DGKB: variants seen among roughly 807,000 people sequenced by gnomAD.
The protein encoded by DGKB is 90 kDa diacylglycerol kinase.
A neutral mutation model predicts 114.3 loss-of-function variants in DGKB; 67 were observed. The ratio of observed to expected loss-of-function variants is 0.59; its 90% CI spans 0.48 to 0.72. The LOEUF (loss-of-function observed/expected upper bound fraction) is 0.72, where lower values mean the gene tolerates loss of function less well. Ranked by LOEUF, DGKB falls within the 30% of genes least tolerant of loss-of-function variation. DGKB has a pLI of 0.00. For missense variants in DGKB, 907 were observed against 975.2 expected (o/e 0.93, Z 0.93); for synonymous variants, 398 against 323.1 (o/e 1.23, Z -2.49).
chr7:14,472,413 C>A (rs1781556568), intron 21 of DGKB, among the ~76,000 whole-genome samples: 1 of 152,176 alleles, frequency 6.6e-6, no homozygotes, highest in African/African-American at 2.4e-5. Flanking sequence ...TTGCCTTCCA[C>A]CATGATTGTG....
At chr7:14,793,826 G>C (rs1841030029) in intron 2 of DGKB, among the ~76,000 whole-genome samples, 1 of 151,960 alleles carries the variant, frequency 6.6e-6, no homozygotes. Context: ...TATGAGATTA[G>C]CATCTAAATC....
intron 2 of DGKB, among the ~76,000 whole-genome samples, chr7:14,806,956 C>T (rs1586642021): frequency 6.6e-6 from 1 of 151,978 alleles, no homozygotes; most frequent in East Asian, 1.9e-4. Flanking sequence ...ACATGATAGC[C>T]TATTCTGCCA....
At chr7:14,628,092 A>G (rs1050738418) in intron 14 of DGKB, among the ~76,000 whole-genome samples, 1 of 152,100 alleles carries the variant, frequency 6.6e-6, no homozygotes, top group Admixed American at 6.6e-5. Context: ...TTATGCTCAC[A>G]CTCATTGTCT....
chr7:14,251,295 T>A (rs1230717610), intron 23 of DGKB, among the ~76,000 whole-genome samples: 1 of 152,068 alleles, frequency 6.6e-6, no homozygotes, highest in East Asian at 1.9e-4. Flanking sequence ...TACTACAGAT[T>A]TTCTTTTTGG....
intron 12 of DGKB, among the ~76,000 whole-genome samples, chr7:14,680,678 G>A (rs191264754): frequency 1.4e-4 from 22 of 152,004 alleles, no homozygotes; most frequent in Admixed American, 9.2e-4. Flanking sequence ...GAGACCACTA[G>A]CAATGGTAAC....
At chr7:14,696,501 C>CAAAAAAAAAAAA (rs35486620) in intron 8 of DGKB, among the ~76,000 whole-genome samples, 3 of 45,074 alleles carry the variant, frequency 6.7e-5, no homozygotes, top group Non-Finnish European at 8.6e-5. Context: ...GACTCCGTCT[C>CAAAAAAAAAAAA]AAAAAAAAAA....
At chr7:14,616,031 T>G (rs890686825) in intron 15 of DGKB, among the ~76,000 whole-genome samples, 4 of 150,764 alleles carry the variant, frequency 2.7e-5, no homozygotes, top group African/African-American at 9.7e-5. Context: ...AGTAATATTT[T>G]TATTTTTTTG....
rs111350672 is a variant in DGKB, at chr7:14,151,865, T to C, written c.2305-2627A>G. 5.3e-3 allele frequency among the ~76,000 whole-genome samples: 805 copies of C among 152,238 alleles called. 6 individuals are homozygous for C. The highest frequency in any genetic ancestry group is 0.018 in the African/African-American group (729 of 41,558). On this transcript the variant is annotated intron_variant, in intron 25 of 25. Coordinates refer to ENST00000402815, the MANE Select transcript of DGKB (RefSeq NM_001350709.2). ...CTGTCTCTTCACATGCCTTATTTCA[T>C]TGGATATTTACATGTCTTGGTATAT...
intron 17 of DGKB, among the ~76,000 whole-genome samples, chr7:14,604,864 T>C (rs1425627759): frequency 1.3e-5 from 2 of 152,122 alleles, no homozygotes; most frequent in Non-Finnish European, 2.9e-5. Flanking sequence ...AAACAAAGAC[T>C]AGCTCTCTAA....
At chr7:14,380,437 C>T (rs1018690866) in intron 21 of DGKB, among the ~76,000 whole-genome samples, 1 of 151,960 alleles carries the variant, frequency 6.6e-6, no homozygotes, top group African/African-American at 2.4e-5. Context: ...TTTAAAAATA[C>T]AGTTAAATAA....
At chr7:14,563,212 C>G (rs1344946918) in intron 20 of DGKB, among the ~76,000 whole-genome samples, 1 of 152,164 alleles carries the variant, frequency 6.6e-6, no homozygotes, top group Non-Finnish European at 1.5e-5. Flanking sequence ...TGTGAGTCCA[C>G]TAAACCTATT....
intron 20 of DGKB, among the ~76,000 whole-genome samples, chr7:14,565,303 G>A (rs908076003): frequency 6.6e-5 from 10 of 152,176 alleles, no homozygotes; most frequent in Middle Eastern, 3.4e-3. Flanking sequence ...AGATATATGA[G>A]GGAGACCAGC....
chr7:14,440,583 T>C (rs192082660), intron 21 of DGKB, among the ~76,000 whole-genome samples: 1 of 152,314 alleles, frequency 6.6e-6, no homozygotes, highest in Admixed American at 6.5e-5. Context: ...AATTCCTTCA[T>C]TGTCACTGCT....
At chr7:14,646,996 G>C (rs1286681081) in intron 13 of DGKB, among the ~76,000 whole-genome samples, 1 of 151,434 alleles carries the variant, frequency 6.6e-6, no homozygotes, top group Non-Finnish European at 1.5e-5. Flanking sequence ...AAACAAAATA[G>C]AGACTAAAAA....
intron 20 of DGKB, among the ~76,000 whole-genome samples, chr7:14,525,902 A>T (rs537876412): frequency 6.6e-6 from 1 of 152,312 alleles, no homozygotes; most frequent in African/African-American, 2.4e-5. Context: ...GAAATATAGC[A>T]TTGGAAATGG....
intron 25 of DGKB, 119 bp downstream of exon 25, chr7:14,176,720 A>AAAAGACT: frequency 1.3e-6 from 2 of 1,523,112 alleles, no homozygotes; most frequent in African/African-American, 2.8e-5. Context: ...CAACAACAAA[A>AAAAGACT]AGACTATTTG....
chr7:14,796,106 G>A (rs1034225773), intron 2 of DGKB, among the ~76,000 whole-genome samples: 3 of 152,148 alleles, frequency 2.0e-5, no homozygotes, highest in African/African-American at 7.2e-5. Context: ...GAAGAATGGT[G>A]AAATCACTGA....
chr7:14,284,105 A>C (rs113430753), intron 23 of DGKB, among the ~76,000 whole-genome samples: 7 of 152,168 alleles, frequency 4.6e-5, no homozygotes, highest in Admixed American at 4.6e-4. Context: ...AAATTTTTGC[A>C]ACCTGCTCAT....
intron 20 of DGKB, among the ~76,000 whole-genome samples, chr7:14,526,544 A>G (rs1048252883): frequency 6.6e-6 from 1 of 152,198 alleles, no homozygotes; most frequent in African/African-American, 2.4e-5. Flanking sequence ...TGAGAAAGGC[A>G]TTGTGATAAG....
Sources: allele counts gnomAD v4.1 joint callset (sites outside exome capture counted in the v4.1 genomes callset), GRCh38; gene constraint gnomAD v4.1.1; transcripts MANE v1.5; gene names NCBI Gene and HGNC (gene_info 2026-07-23, HGNC 2026-07-21).